The following DPP10 variants were observed in gnomAD, a reference collection of about 807,000 sequenced individuals.
The protein encoded by DPP10 is inactive dipeptidyl peptidase 10.
Under a neutral mutation model 120.9 loss-of-function variants are expected in DPP10, and 33 were observed. That is an observed-to-expected ratio of 0.27 (90% confidence interval 0.21 to 0.37). The LOEUF (loss-of-function observed/expected upper bound fraction) is 0.37. Ranked by LOEUF, DPP10 falls within the 10% of genes least tolerant of loss-of-function variation. DPP10 has a pLI of 1.00. For synonymous variants in DPP10, 337 were observed against 326.1 expected (o/e 1.03, Z -0.36); for missense variants, 816 against 942.8 (o/e 0.87, Z 1.76).
chr2:115,793,077 T>C (rs1684167112), intron 19 of DPP10, among the ~76,000 whole-genome samples: 1 of 152,186 alleles, frequency 6.6e-6, no homozygotes, highest in East Asian at 1.9e-4. Context: ...CAGACTTGTG[T>C]TTTGTTCTGG....
intron 1 of DPP10, among the ~76,000 whole-genome samples, chr2:114,826,417 C>T (rs1187712798): frequency 2.0e-5 from 3 of 152,150 alleles, no homozygotes; most frequent in Non-Finnish European, 2.9e-5. Context: ...AAAGGTCATG[C>T]CTGACACCTC....
intron 1 of DPP10, among the ~76,000 whole-genome samples, chr2:114,606,724 T>A (rs1292064568): frequency 6.6e-6 from 1 of 152,160 alleles, no homozygotes; most frequent in African/African-American, 2.4e-5. Flanking sequence ...ATTCACATAA[T>A]TTTTAGAAGC....
intron 3 of DPP10, among the ~76,000 whole-genome samples, chr2:115,368,602 GA>G (rs1286602613): frequency 6.6e-6 from 1 of 151,888 alleles, no homozygotes; most frequent in Admixed American, 6.6e-5. Context: ...ATTGAAAAAT[GA>G]GAGGAACTAT....
chr2:115,844,701 T>C lies in DPP10; in HGVS notation c.*2356T>C, dbSNP rs1690476034. 6.6e-6 allele frequency: 1 copy of C among 152,172 alleles called. No individual in the cohort carries two copies. Among genetic ancestry groups the C allele is most frequent in the South Asian group, 2.1e-4 (1 of 4,828 alleles). 9.4% of individuals were successfully genotyped at this position (152,172 alleles called of 1,614,324 possible). ...ATATTTATGCATTGCTAGATTTTCC[T>C]AGGACTCCAATAGCATGCTTTCCAA... is the stretch of plus-strand genomic sequence containing the variant. On this transcript the variant is annotated 3_prime_UTR_variant, in exon 26 of 26. Transcript: ENST00000410059.
chr2:114,600,017 G>A (rs1395168850), intron 1 of DPP10, among the ~76,000 whole-genome samples: 1 of 151,076 alleles, frequency 6.6e-6, no homozygotes, highest in Non-Finnish European at 1.5e-5. Flanking sequence ...TTTTTTTAAT[G>A]TGTATTCTGT....
chr2:114,507,955 G>T (rs1451226568), intron 1 of DPP10, among the ~76,000 whole-genome samples: 1 of 152,038 alleles, frequency 6.6e-6, no homozygotes, highest in East Asian at 1.9e-4. Context: ...CTGAAAAAAT[G>T]GCAAGTAGAA....
chr2:115,836,119 G>GATATATAT (rs34212292), intron 21 of DPP10, 38 bp from the exon 22 acceptor site: 67 of 731,400 alleles, frequency 9.2e-5, no homozygotes, highest in South Asian at 8.6e-4. Context: ...GTGTGTGTGA[G>GATATATAT]ATATATATAT....
intron 1 of DPP10, among the ~76,000 whole-genome samples, chr2:114,696,364 C>T (rs964563272): frequency 6.6e-6 from 1 of 152,024 alleles, no homozygotes; most frequent in African/African-American, 2.4e-5. Context: ...CTGGTTTATT[C>T]ACTACTGTCC....
chr2:115,753,911 G>A (rs1360997734), intron 11 of DPP10, among the ~76,000 whole-genome samples: 1 of 152,112 alleles, frequency 6.6e-6, no homozygotes, highest in Admixed American at 6.6e-5. Context: ...TTTGGGTAAA[G>A]CGTTTTTAGA....
chr2:115,560,894 G>A (rs972804089), intron 5 of DPP10, among the ~76,000 whole-genome samples: 3 of 151,984 alleles, frequency 2.0e-5, no homozygotes, highest in Non-Finnish European at 4.4e-5. Flanking sequence ...TCACAACATG[G>A]GTGCCTCTAT....
intron 1 of DPP10, among the ~76,000 whole-genome samples, chr2:114,454,334 T>A (rs563331161): frequency 6.6e-6 from 1 of 152,194 alleles, no homozygotes; most frequent in African/African-American, 2.4e-5. Context: ...TTATGAGATA[T>A]CTCTAGTTCC....
intron 5 of DPP10, among the ~76,000 whole-genome samples, chr2:115,606,824 A>C (rs1256464235): frequency 6.6e-6 from 1 of 152,156 alleles, no homozygotes; most frequent in African/African-American, 2.4e-5. Flanking sequence ...CTTTGTTTCT[A>C]TTTTCTTACC....
intron 1 of DPP10, among the ~76,000 whole-genome samples, chr2:114,630,134 C>T (rs756328438): frequency 2.0e-5 from 3 of 152,016 alleles, no homozygotes; most frequent in Admixed American, 6.6e-5. Flanking sequence ...CGTTTTTTCT[C>T]TCTCTAGTGC....
chr2:114,923,136 A>C (rs567180495), intron 1 of DPP10, among the ~76,000 whole-genome samples: 2 of 151,998 alleles, frequency 1.3e-5, no homozygotes, highest in South Asian at 2.1e-4. Context: ...CAAGTCTGTC[A>C]TCAGATATAT....
At chr2:115,322,224 G>A (rs2062097590) in intron 2 of DPP10, among the ~76,000 whole-genome samples, 1 of 152,016 alleles carries the variant, frequency 6.6e-6, no homozygotes, top group African/African-American at 2.4e-5. Flanking sequence ...AGCTATTTGT[G>A]TTTTCTTTGG....
chr2:115,360,169 AG>A (rs1254294203), intron 3 of DPP10, among the ~76,000 whole-genome samples: 1 of 152,190 alleles, frequency 6.6e-6, no homozygotes, highest in Non-Finnish European at 1.5e-5. Context: ...TGAGGTGAGG[AG>A]ATACTCTGAC....
chr2:115,711,665 G>C (rs969818018), intron 7 of DPP10, among the ~76,000 whole-genome samples: 2 of 152,098 alleles, frequency 1.3e-5, no homozygotes, highest in African/African-American at 4.8e-5. Context: ...ACAAGGCAAT[G>C]TGAGGAGGCC....
chr2:115,759,376 A>C (rs1318784163), intron 11 of DPP10, among the ~76,000 whole-genome samples: 2 of 151,592 alleles, frequency 1.3e-5, no homozygotes, highest in African/African-American at 4.9e-5. Flanking sequence ...TGGACAACAA[A>C]ATGAGATCCC....
intron 1 of DPP10, among the ~76,000 whole-genome samples, chr2:115,151,261 A>T (rs1429825421): frequency 2.0e-5 from 3 of 152,154 alleles, no homozygotes; most frequent in Non-Finnish European, 4.4e-5. Flanking sequence ...TAACTCAAGT[A>T]TTCTTTTGCC....
Sources: allele counts gnomAD v4.1 joint callset (sites outside exome capture counted in the v4.1 genomes callset), GRCh38; gene constraint gnomAD v4.1.1; transcripts MANE v1.5; gene names NCBI Gene and HGNC (gene_info 2026-07-23, HGNC 2026-07-21).